PCDH15: variants seen among roughly 807,000 people sequenced by gnomAD.
PCDH15 encodes protocadherin-15.
In PCDH15, 129 loss-of-function variants were observed where a neutral mutation model predicts 178.5. The ratio of observed to expected loss-of-function variants is 0.72; its 90% CI spans 0.63 to 0.84. The LOEUF (loss-of-function observed/expected upper bound fraction) is 0.84. Among genes scored for constraint, PCDH15 ranks in the 40% least tolerant of loss-of-function variants. The pLI is 0.00. For missense variants in PCDH15, 2,230 were observed against 2,099.9 expected, an observed-to-expected ratio of 1.06 and a Z score of -1.21; for synonymous variants, 800 against 732.0, an observed-to-expected ratio of 1.09 and a Z score of -1.50.
At chr10:54,870,774 A>T (rs1954023361) in intron 3 of PCDH15, among the ~76,000 whole-genome samples, 2 of 149,342 alleles carry the variant, frequency 1.3e-5, no homozygotes, top group Non-Finnish European at 3.0e-5. Flanking sequence ...CGACAGAGAG[A>T]GACTCCCTCT....
At chr10:54,133,254 A>G (rs2042600864) in intron 14 of PCDH15, among the ~76,000 whole-genome samples, 1 of 152,226 alleles carries the variant, frequency 6.6e-6, no homozygotes, top group South Asian at 2.1e-4. Flanking sequence ...GTATGAATTA[A>G]AATGGAATAG....
chr10:54,192,549 T>G (rs972288176), intron 11 of PCDH15, among the ~76,000 whole-genome samples: 1 of 152,168 alleles, frequency 6.6e-6, no homozygotes, highest in South Asian at 2.1e-4. Context: ...CATCTATCAA[T>G]TTCTGGGAAA....
intron 3 of PCDH15, among the ~76,000 whole-genome samples, chr10:54,436,136 A>G (rs1353650412): frequency 6.9e-6 from 1 of 144,658 alleles, no homozygotes; most frequent in East Asian, 1.9e-4. Context: ...AGAAAGAAAA[A>G]GAAAGAAAGA....
intron 1 of PCDH15, among the ~76,000 whole-genome samples, chr10:54,716,646 TAAG>T (rs1244155337): frequency 6.6e-6 from 1 of 152,056 alleles, no homozygotes; most frequent in Non-Finnish European, 1.5e-5. Flanking sequence ...CTTATCAGCT[TAAG>T]GAGATTTTGG....
At chr10:53,811,313 C>A (rs893621090) in intron 36 of PCDH15, among the ~76,000 whole-genome samples, 1 of 151,826 alleles carries the variant, frequency 6.6e-6, no homozygotes, top group Admixed American at 6.6e-5. Flanking sequence ...ATAATTTTAC[C>A]GCATTTCTAG....
intron 21 of PCDH15, among the ~76,000 whole-genome samples, chr10:53,990,578 G>GTT (rs955819621): frequency 1.3e-5 from 2 of 149,064 alleles, no homozygotes; most frequent in Non-Finnish European, 3.0e-5. Context: ...TTCTCACAAT[G>GTT]TTATATATAT....
At chr10:53,835,960 C>G (rs2077281104) in intron 29 of PCDH15, among the ~76,000 whole-genome samples, 1 of 152,122 alleles carries the variant, frequency 6.6e-6, no homozygotes, top group Non-Finnish European at 1.5e-5. Context: ...GGTGCACAGG[C>G]AGCAACCCTT....
intron 29 of PCDH15, 85 bp from the exon 30 acceptor site, chr10:53,831,618 A>G (rs938831541): frequency 8.1e-6 from 8 of 987,290 alleles, no homozygotes; most frequent in African/African-American, 1.6e-5. Flanking sequence ...AAGATCTTTC[A>G]ATATTTTCTC....
intron 28 of PCDH15, among the ~76,000 whole-genome samples, chr10:53,850,208 CAATT>C (rs1564608024): frequency 6.6e-6 from 1 of 151,992 alleles, no homozygotes; most frequent in African/African-American, 2.4e-5. Context: ...GTTTTGGAAA[CAATT>C]AAAAATCCTG....
chr10:53,841,345 G>A (rs1361710593), intron 28 of PCDH15, among the ~76,000 whole-genome samples: 1 of 151,884 alleles, frequency 6.6e-6, no homozygotes, highest in Non-Finnish European at 1.5e-5. Flanking sequence ...AAAATTCGTA[G>A]ACTCAATGCT....
At chr10:55,216,271 G>A (rs1273024211) in intron 1 of PCDH15, among the ~76,000 whole-genome samples, 1 of 151,810 alleles carries the variant, frequency 6.6e-6, no homozygotes, top group African/African-American at 2.4e-5. Flanking sequence ...AATGTGTGGT[G>A]GTTACTTAGG....
At chr10:54,329,765 C>G in intron 6 of PCDH15, 59 bp from the exon 7 acceptor site, 1 of 1,136,102 alleles carries the variant, frequency 8.8e-7, no homozygotes, top group South Asian at 1.2e-5. Flanking sequence ...ATTAATAACT[C>G]AATATTTTGG....
Position 55,128,578 on chromosome 10 carries a change from C to T in PCDH15, c.-80+37998G>A, listed in dbSNP as rs139179138. Among the ~76,000 whole-genome samples the T allele has an allele frequency of 1.7e-3, 256 of 151,958 alleles. 1 individual carries two copies. Among genetic ancestry groups the T allele is most frequent in the African/African-American group, 5.8e-3 (239 of 41,478 alleles). On this transcript the variant is annotated intron_variant, in intron 2 of 5. Transcript: ENST00000458638. The stretch of plus-strand genomic sequence containing the variant: ...CACACATATTTCTATCAATTGTTAC[C>T]GCACCTTAACCTGTTATTTTTCTTC...
intron 3 of PCDH15, among the ~76,000 whole-genome samples, chr10:54,415,933 A>G: frequency 6.6e-6 from 1 of 152,052 alleles, no homozygotes; most frequent in African/African-American, 2.4e-5. Context: ...GAATTTAAGG[A>G]GGTGAATAGG....
At chr10:53,871,896 G>A (rs1455929663) in intron 26 of PCDH15, among the ~76,000 whole-genome samples, 1 of 152,004 alleles carries the variant, frequency 6.6e-6, no homozygotes, top group African/African-American at 2.4e-5. Context: ...TGGGATTACA[G>A]GCACTTTGGG....
At chr10:54,281,336 C>T (rs1296288490) in intron 8 of PCDH15, among the ~76,000 whole-genome samples, 3 of 151,808 alleles carry the variant, frequency 2.0e-5, no homozygotes, top group Non-Finnish European at 4.4e-5. Context: ...AAGAATATCA[C>T]CTGGCATCAT....
intron 26 of PCDH15, among the ~76,000 whole-genome samples, chr10:53,879,111 T>A (rs202113609): frequency 4.8e-4 from 69 of 145,164 alleles, no homozygotes; most frequent in South Asian, 2.9e-3. Context: ...TTTTTTTTTT[T>A]AAATCACTTT....
chr10:54,136,362 T>C (rs970021956), intron 14 of PCDH15, among the ~76,000 whole-genome samples: 1 of 151,822 alleles, frequency 6.6e-6, no homozygotes, highest in Admixed American at 6.6e-5. Flanking sequence ...ACGTCTTCAA[T>C]AACCCTGGAT....
chr10:53,959,379 GA>G, intron 23 of PCDH15, among the ~76,000 whole-genome samples: 1 of 151,700 alleles, frequency 6.6e-6, no homozygotes, highest in African/African-American at 2.4e-5. Flanking sequence ...GCCAAAATTG[GA>G]AATTGAATGA....
Sources: gnomAD v4.1 joint callset for allele counts (sites outside exome capture counted in the v4.1 genomes callset) on GRCh38, gnomAD v4.1.1 for gene constraint, MANE v1.5 for transcripts, NCBI Gene and HGNC (gene_info 2026-07-23, HGNC 2026-07-21) for gene names.